CARD14: variants seen among roughly 807,000 people sequenced by gnomAD.
The protein encoded by CARD14 is caspase recruitment domain family member 14.
A neutral mutation model predicts 111.5 loss-of-function variants in CARD14; 107 were observed. The observed-to-expected ratio is 0.96, with a 90% CI of 0.82 to 1.13. The LOEUF (loss-of-function observed/expected upper bound fraction) is 1.13. Among genes scored for constraint, CARD14 ranks in the 50% most tolerant of loss-of-function variants. CARD14 has a pLI of 0.00. For synonymous variants in CARD14, 617 were observed against 579.6 expected (o/e 1.06, Z -0.93); for missense variants, 1,322 against 1,362.3 (o/e 0.97, Z 0.47).
At position 80,201,730 on chromosome 17, in the gene CARD14, C is replaced by T. The variant is rs377407058; in HGVS notation, c.1852-14C>T. On this transcript the variant is annotated splice_polypyrimidine_tract_variant and intron_variant, in intron 16 of 23. Transcript: ENST00000648509. The surrounding 1 kb of genome is among the most constrained non-coding windows in gnomAD (Gnocchi z 5.0). The stretch of plus-strand genomic sequence containing the variant: ...CCCGGGGGAAAGAGACTGACCTTCT[C>T]GACTTGCCCTCAGGTTGATTACGAA... The T allele has an allele frequency of 1.3e-4, 207 of 1,613,820 alleles. No individual in the cohort carries two copies. The highest frequency in any genetic ancestry group is 5.2e-4 in the South Asian group (47 of 91,072).
chr17:80,181,313 G>A (rs780610465), intron 4 of CARD14, 106 bp from the exon 5 acceptor site: 8 of 806,854 alleles, frequency 9.9e-6, no homozygotes, highest in South Asian at 3.5e-5. Context: ...GGCAAAGAGT[G>A]CGCCTTGCTA....
In CARD14 at chr17:80,188,698, T is replaced by C; in HGVS notation, c.843+154T>C. 1 of 720,772 alleles carries C rather than the reference T, an allele frequency of 1.4e-6. No homozygotes were observed. Among genetic ancestry groups the C allele is most frequent in the East Asian group, 3.4e-5 (1 of 29,070 alleles). The allele number at this position is 720,772 out of a possible 1,614,324, so 44.6% of individuals were successfully genotyped here. Reference sequence around the variant, plus strand: ...TCTCACCCACTTTCTCTTTACCTCCTTCCTTCCTGCTGTTCCCCAGACCCC... The same window carrying C: ...TCTCACCCACTTTCTCTTTACCTCCCTCCTTCCTGCTGTTCCCCAGACCCC... On this transcript the variant is annotated intron_variant, in intron 8 of 23. Coordinates refer to ENST00000648509, the MANE Select transcript of CARD14 (RefSeq NM_001366385.1). The surrounding 1 kb of genome is among the most constrained non-coding windows in gnomAD (Gnocchi z 4.5).
chr17:80,190,904 C>T lies in CARD14; in HGVS notation c.1089+5C>T. ...CTGCAGAAGGAGCGAGACCAGGTAC[C>T]TGAGAGGCCGGGCCCACCCCGCCAC... On this transcript the variant is annotated splice_donor_5th_base_variant and intron_variant, in intron 10 of 23. Coordinates refer to ENST00000648509, the MANE Select transcript of CARD14 (RefSeq NM_001366385.1). The T allele has an allele frequency of 1.9e-6, 3 of 1,612,172 alleles. No individual in the cohort carries two copies. The highest frequency in any genetic ancestry group is 2.2e-5 in the South Asian group (2 of 90,906).
Position 80,188,524 on chromosome 17 carries a change from C to A in CARD14, c.823C>A (p.Arg275Ser). Residue 275 changes from arginine to serine, a missense_variant, in exon 8 of 24, where the codon CGC becomes AGC. Arg to Ser is a moderately radical substitution (Grantham distance 110, BLOSUM62 -1). Coordinates refer to ENST00000648509, the MANE Select transcript of CARD14 (RefSeq NM_001366385.1). The surrounding 1 kb of genome is among the most constrained non-coding windows in gnomAD (Gnocchi z 4.5). ...NRLKEENEKL[R>S]SLTFSLAEKD... ...CCTGAAGGAGGAGAATGAGAAACTG[C>A]GCTCGCTGACTTTCAGCCTGGTAGG... 1 of 1,521,498 alleles carries A rather than the reference C, an allele frequency of 6.6e-7. No homozygotes were observed. The highest frequency in any genetic ancestry group is 8.8e-7 in the Non-Finnish European group (1 of 1,133,482). The allele number at this position is 1,521,498 out of a possible 1,614,324, so 94.2% of individuals were successfully genotyped here.
At chr17:80,180,253 G>A (rs1265288462) in intron 4 of CARD14, among the ~76,000 whole-genome samples, 1 of 152,094 alleles carries the variant, frequency 6.6e-6, no homozygotes, top group Non-Finnish European at 1.5e-5. Context: ...GGGCTGTAAC[G>A]GCGACCTGCT....
At chr17:80,173,746 A>G (rs1285805760) in intron 2 of CARD14, among the ~76,000 whole-genome samples, 1 of 151,616 alleles carries the variant, frequency 6.6e-6, no homozygotes, top group East Asian at 1.9e-4. Flanking sequence ...TTACAGGCAC[A>G]CACCACCACA....
rs112681562 is a variant in CARD14 at position 80,201,619 on chromosome 17, G to A, written c.1852-125G>A. On this transcript the variant is annotated intron_variant, in intron 16 of 23. Coordinates refer to ENST00000648509, the MANE Select transcript of CARD14 (RefSeq NM_001366385.1). This position sits in a 1 kb window ranked among gnomAD's most constrained non-coding sequence, Gnocchi z 5.0. ...TGTGTGGCTTTGTTTTGACCAAGGC[G>A]TGCAGGCAGTGGTCCTACGGCAGGG... 3.0e-4 allele frequency: 281 copies of A among 952,510 alleles called. 5 individuals are homozygous for A. The highest frequency in any genetic ancestry group is 4.2e-4 in the African/African-American group (26 of 62,546). The allele number at this position is 952,510 out of a possible 1,614,324, so 59.0% of individuals were successfully genotyped here.
chr17:80,205,589 G>A lies in CARD14; in HGVS notation c.2628G>A (p.Glu876=), dbSNP rs1027578686. 7.0e-6 allele frequency: 11 copies of A among 1,575,920 alleles called. No homozygotes were observed. The Admixed American group carries it at 1.8e-4, about 26-fold the overall frequency. ...GCCAGAGAGGGGACATCATCCAGGA[G>A]GGAGAGGTGTCCGGGGGCCGCTGCT... is the stretch of plus-strand genomic sequence containing the variant. The part of the protein sequence containing the change: ...AWSQRGDIIQ[E]GEVSGGRCWV... The change falls in exon 22 of 24, where the codon GAG becomes GAA. Residue 876 remains glutamate (E), a synonymous_variant. Coordinates refer to ENST00000648509, the MANE Select transcript of CARD14 (RefSeq NM_001366385.1).
At position 80,189,291 on chromosome 17, in the gene CARD14, C is replaced by T. The variant is rs927730867; in HGVS notation, c.844-462C>T. Reference sequence around the variant, plus strand: ...GCAACGACCCTTGGCGTCTCCTCCTCGGCCCCTCTCAGTAGATTGGTATTT... The same window carrying T: ...GCAACGACCCTTGGCGTCTCCTCCTTGGCCCCTCTCAGTAGATTGGTATTT... On this transcript the variant is annotated intron_variant, in intron 8 of 23. Transcript: ENST00000648509. The surrounding 1 kb of genome is among the most constrained non-coding windows in gnomAD (Gnocchi z 4.7). 1.3e-5 allele frequency among the ~76,000 whole-genome samples: 2 copies of T among 152,186 alleles called. No individual in the cohort carries two copies. The highest frequency in any genetic ancestry group is 2.9e-5 in the Non-Finnish European group (2 of 68,044).
chr17:80,199,165 AC>A (rs2040841091), intron 16 of CARD14, among the ~76,000 whole-genome samples: 1 of 151,988 alleles, frequency 6.6e-6, no homozygotes, highest in Non-Finnish European at 1.5e-5. Context: ...TTGTTACGAA[AC>A]GCACAAAACT....
intron 11 of CARD14, among the ~76,000 whole-genome samples, chr17:80,191,723 C>T (rs1289253455): frequency 1.3e-5 from 2 of 152,204 alleles, no homozygotes; most frequent in Admixed American, 6.5e-5. Context: ...TCCATATCAT[C>T]GAATGGGGAG....
Position 80,201,845 on chromosome 17 carries a change from C to G in CARD14, c.1953C>G (p.Cys651Trp). 1 of 1,613,796 alleles carries G rather than the reference C, an allele frequency of 6.2e-7. No individual in the cohort carries two copies. The stretch of plus-strand genomic sequence containing the variant: ...TCAGGAGGGTGGACGGCTTCTGCTG[C>G]CTGTCTGTGAAGGTCAACACGGACG... ...GLLRRVDGFCCLSVKVNTDGY... is the reference protein window; with the variant it reads ...GLLRRVDGFCWLSVKVNTDGY... The change falls in exon 17 of 24, where the codon TGC becomes TGG. Residue 651 changes from cysteine to tryptophan, a missense_variant. Cys to Trp is a radical substitution (Grantham distance 215). Coordinates refer to ENST00000648509, the MANE Select transcript of CARD14 (RefSeq NM_001366385.1). This position sits in a 1 kb window ranked among gnomAD's most constrained non-coding sequence, Gnocchi z 5.0.
At position 80,201,441 on chromosome 17, in the gene CARD14, T is replaced by TTTCTG; in HGVS notation, c.1852-299_1852-298insGTTCT. 3.1e-6 allele frequency: 1 copy of TTTCTG among 324,742 alleles called. No homozygotes were observed. Among genetic ancestry groups the TTTCTG allele is most frequent in the Non-Finnish European group, 5.7e-6 (1 of 174,646 alleles). 20.1% of individuals were successfully genotyped at this position (324,742 alleles called of 1,614,324 possible). The stretch of plus-strand genomic sequence containing the variant: ...CTTGAATGTTCTAGAACCGAGGTTC[T>TTTCTG]TTCTTTTCTTTTCTTTTCTTTTTCA... On this transcript the variant is annotated intron_variant, in intron 16 of 23. Transcript: ENST00000648509. The surrounding 1 kb of genome is among the most constrained non-coding windows in gnomAD (Gnocchi z 5.0).
At chr17:80,205,262 C>T in intron 21 of CARD14, 57 bp downstream of exon 21, 2 of 1,443,922 alleles carry the variant, frequency 1.4e-6, no homozygotes, top group East Asian at 2.3e-5. Flanking sequence ...CTCCCTCCTC[C>T]CCTTCCTCCC....
At position 80,208,653 on chromosome 17, in the gene CARD14, G is replaced by A. The variant is rs1476982321; in HGVS notation, c.*308G>A. On this transcript the variant is annotated 3_prime_UTR_variant, in exon 24 of 24. Coordinates refer to ENST00000648509, the MANE Select transcript of CARD14 (RefSeq NM_001366385.1). ...GGGACGTCTTCCCATGCCTTCCCTAGAACCGGAGGCCCCGGACTTCTCTGG... is the reference window on the plus strand; with the variant it reads ...GGGACGTCTTCCCATGCCTTCCCTAAAACCGGAGGCCCCGGACTTCTCTGG... The A allele has an allele frequency of 6.4e-6, 2 of 310,234 alleles. No homozygotes were observed. Among genetic ancestry groups the A allele is most frequent in the Non-Finnish European group, 1.2e-5 (2 of 169,608 alleles). The allele number at this position is 310,234 out of a possible 1,614,324, so 19.2% of individuals were successfully genotyped here.
rs1426824629 is a variant in CARD14 at position 80,202,249 on chromosome 17, T to C, written c.2048T>C (p.Val683Ala). 2.5e-6 allele frequency: 4 copies of C among 1,613,932 alleles called. No homozygotes were observed. Among genetic ancestry groups the C allele is most frequent in the Middle Eastern group, 1.6e-4 (1 of 6,062 alleles). Residue 683 changes from valine to alanine, a missense_variant, in exon 18 of 24, where the codon GTC becomes GCC. Transcript: ENST00000648509. ...ATSGDSFYIR[V>A]NLAMEGRAKG... ...TCGGGGGACTCATTCTACATCCGGGTCAACCTGGCCATGGAGGGCAGGGCC... is the reference window on the plus strand; with the variant it reads ...TCGGGGGACTCATTCTACATCCGGGCCAACCTGGCCATGGAGGGCAGGGCC...
chr17:80,175,981 T>G (rs1353404761), intron 2 of CARD14, among the ~76,000 whole-genome samples: 2 of 72,544 alleles, frequency 2.8e-5, no homozygotes, highest in African/African-American at 1.3e-4. Flanking sequence ...TTTTTTTTTT[T>G]TTTTTTTTTT....
Position 80,198,609 on chromosome 17 carries a change from C to T in CARD14, c.1851+18C>T, listed in dbSNP as rs750915764. On this transcript the variant is annotated intron_variant, in intron 16 of 23. Coordinates refer to ENST00000648509, the MANE Select transcript of CARD14 (RefSeq NM_001366385.1). The surrounding 1 kb of genome is among the most constrained non-coding windows in gnomAD (Gnocchi z 7.5). ...TTGTGATGGTGAGCCGTGCGAGGCC[C>T]CTCCTGTCCCCCGGGCTCCTCATGG... 18 of 1,610,768 alleles carry T rather than the reference C, an allele frequency of 1.1e-5. No individual in the cohort carries two copies. Among genetic ancestry groups the T allele is most frequent in the South Asian group, 3.3e-5 (3 of 90,976 alleles).
chr17:80,177,525 G>T (rs1401472238), intron 2 of CARD14, among the ~76,000 whole-genome samples: 2 of 152,064 alleles, frequency 1.3e-5, no homozygotes, highest in Non-Finnish European at 2.9e-5. Flanking sequence ...GTGAAACCTT[G>T]TCTCTACTAA....
Sources: allele counts gnomAD v4.1 joint callset (sites outside exome capture counted in the v4.1 genomes callset), GRCh38; gene constraint gnomAD v4.1.1; non-coding constraint Gnocchi (gnomAD v3.1); transcripts MANE v1.5; gene names NCBI Gene and HGNC (gene_info 2026-07-23, HGNC 2026-07-21).